TEAD1: variants seen among roughly 807,000 people sequenced by gnomAD.
TEAD1 encodes TEA domain transcription factor 1, also known as transcriptional enhancer factor TEF-1.
In TEAD1, 9 loss-of-function variants were observed where a neutral mutation model predicts 54.9. The ratio of observed to expected loss-of-function variants is 0.16; its 90% CI spans 0.10 to 0.29. TEAD1 has a LOEUF of 0.29. Ranked by LOEUF, TEAD1 falls within the 10% of genes least tolerant of loss-of-function variation. TEAD1 has a pLI of 1.00. For synonymous variants in TEAD1, 200 were observed against 187.8 expected (o/e 1.07, Z -0.53); for missense variants, 387 against 535.9 (o/e 0.72, Z 2.74).
At chr11:12,914,389 ATTATTC>A (rs1948673097) in intron 10 of TEAD1, among the ~76,000 whole-genome samples, 1 of 152,186 alleles carries the variant, frequency 6.6e-6, no homozygotes, top group Non-Finnish European at 1.5e-5. Flanking sequence ...GTTTATTCCT[ATTATTC>A]TTATTTAAAA....
At chr11:12,885,295 G>C (rs544809339) in intron 9 of TEAD1, among the ~76,000 whole-genome samples, 1 of 147,368 alleles carries the variant, frequency 6.8e-6, no homozygotes, top group African/African-American at 2.5e-5. Flanking sequence ...GAGTGCAGTG[G>C]TGTGATCTCC....
At chr11:12,692,905 C>A (rs1387487775) in intron 2 of TEAD1, among the ~76,000 whole-genome samples, 1 of 152,216 alleles carries the variant, frequency 6.6e-6, no homozygotes, top group Non-Finnish European at 1.5e-5. Flanking sequence ...CCTCCACCCC[C>A]ACCCCACAGA....
chr11:12,749,557 G>A (rs1464627573), intron 2 of TEAD1, among the ~76,000 whole-genome samples: 1 of 152,158 alleles, frequency 6.6e-6, no homozygotes, highest in African/African-American at 2.4e-5. Context: ...GGAGGGGGAG[G>A]AGACTGCTGG....
intron 5 of TEAD1, 57 bp downstream of exon 5, chr11:12,864,957 C>T (rs1315632007): frequency 3.8e-6 from 6 of 1,581,244 alleles, no homozygotes; most frequent in Non-Finnish European, 3.5e-6. Flanking sequence ...TTCCTGTTTT[C>T]CATGGTGACT....
chr11:12,866,500 G>A (rs1947620592), intron 5 of TEAD1, among the ~76,000 whole-genome samples: 1 of 152,108 alleles, frequency 6.6e-6, no homozygotes, highest in South Asian at 2.1e-4. Context: ...TTCTTCCATA[G>A]AAACAATTTT....
At chr11:12,779,229 G>A (rs923621715) in intron 3 of TEAD1, among the ~76,000 whole-genome samples, 1 of 152,148 alleles carries the variant, frequency 6.6e-6, no homozygotes, top group Non-Finnish European at 1.5e-5. Flanking sequence ...GAATGATACA[G>A]TTACCGGGAG....
At position 12,701,573 on chromosome 11, in the gene TEAD1, C is replaced by T. The variant is rs996768452; in HGVS notation, c.-55+26012C>T. Among the ~76,000 whole-genome samples the T allele has an allele frequency of 2.6e-5, 4 of 152,100 alleles. No homozygotes were observed. In the South Asian group the frequency reaches 8.3e-4, roughly 32 times the overall value. On this transcript the variant is annotated intron_variant, in intron 2 of 12. Transcript: ENST00000527636. ...GAAGGGTCATGCCGGTGGGTTTTCACTGTCTTTAGTTTCCAAAAGATGCTA... is the reference window on the plus strand; with the variant it reads ...GAAGGGTCATGCCGGTGGGTTTTCATTGTCTTTAGTTTCCAAAAGATGCTA...
At chr11:12,852,698 T>A (rs1242500552) in intron 3 of TEAD1, among the ~76,000 whole-genome samples, 2 of 152,144 alleles carry the variant, frequency 1.3e-5, no homozygotes, top group African/African-American at 4.8e-5. Flanking sequence ...CCCACCCGCC[T>A]TGGCCTCCCA....
intron 2 of TEAD1, among the ~76,000 whole-genome samples, chr11:12,681,631 G>A (rs1342412067): frequency 4.3e-4 from 66 of 152,202 alleles, no homozygotes; most frequent in Non-Finnish European, 2.9e-5. Flanking sequence ...CTTAGTAGGT[G>A]GCTCAGTGGA....
chr11:12,920,911 C>T (rs1053941232), intron 10 of TEAD1, among the ~76,000 whole-genome samples: 1 of 152,200 alleles, frequency 6.6e-6, no homozygotes, highest in African/African-American at 2.4e-5. Flanking sequence ...TGTGCAGCCA[C>T]TAGAAAGTGT....
intron 2 of TEAD1, among the ~76,000 whole-genome samples, chr11:12,755,682 T>C (rs1024015866): frequency 2.6e-5 from 4 of 152,210 alleles, no homozygotes; most frequent in African/African-American, 9.6e-5. Context: ...CGAGGTTAAG[T>C]TGTCCATTTC....
chr11:12,744,386 G>A (rs962773817), intron 2 of TEAD1, among the ~76,000 whole-genome samples: 3 of 152,158 alleles, frequency 2.0e-5, no homozygotes, highest in Non-Finnish European at 4.4e-5. Context: ...TGAGAAAAGA[G>A]CTAAATAATA....
intron 10 of TEAD1, among the ~76,000 whole-genome samples, chr11:12,914,182 AG>A (rs1379162970): frequency 1.3e-5 from 2 of 152,258 alleles, no homozygotes; most frequent in Non-Finnish European, 2.9e-5. Context: ...GCAGACGGGC[AG>A]CCTTTCAACC....
chr11:12,925,746 A>T (rs1948893825), intron 11 of TEAD1, among the ~76,000 whole-genome samples: 1 of 152,046 alleles, frequency 6.6e-6, no homozygotes, highest in South Asian at 2.1e-4. Flanking sequence ...ACTCAGAATG[A>T]TGCCCTCCCT....
intron 2 of TEAD1, among the ~76,000 whole-genome samples, chr11:12,749,811 TACTC>T (rs10592983): frequency 0.021 from 3,173 of 152,268 alleles, 116 homozygotes; most frequent in African/African-American, 0.073. Flanking sequence ...GAACAGTAGT[TACTC>T]ACTTATCCTG....
chr11:12,886,267 T>C (rs901170126), intron 9 of TEAD1, among the ~76,000 whole-genome samples: 8 of 152,178 alleles, frequency 5.3e-5, no homozygotes, highest in Non-Finnish European at 1.2e-4. Flanking sequence ...AGGATACATA[T>C]GATAATCTGA....
chr11:12,912,591 G>T (rs1237471333), intron 10 of TEAD1, among the ~76,000 whole-genome samples: 1 of 152,074 alleles, frequency 6.6e-6, no homozygotes, highest in Admixed American at 6.6e-5. Flanking sequence ...GGTCACAGGG[G>T]CATTCACTTC....
chr11:12,937,318 C>A lies in TEAD1; in HGVS notation c.*96C>A. 1.8e-6 allele frequency: 2 copies of A among 1,086,042 alleles called. No individual in the cohort carries two copies. Among genetic ancestry groups the A allele is most frequent in the East Asian group, 2.6e-5 (1 of 38,284 alleles). The allele number at this position is 1,086,042 out of a possible 1,614,324, so 67.3% of individuals were successfully genotyped here. ...CATTATCGAACGACTGACTGTAAAC[C>A]TCACCACACAGGGTGGTGCCCTGGC... On this transcript the variant is annotated 3_prime_UTR_variant, in exon 13 of 13. Transcript: ENST00000527636.
chr11:12,800,330 G>T (rs1489193522), intron 3 of TEAD1, among the ~76,000 whole-genome samples: 1 of 152,232 alleles, frequency 6.6e-6, no homozygotes, highest in East Asian at 1.9e-4. Context: ...ATTATCCAAA[G>T]GATCTGGACT....
Sources: gnomAD v4.1 joint callset for allele counts (sites outside exome capture counted in the v4.1 genomes callset) on GRCh38, gnomAD v4.1.1 for gene constraint, MANE v1.5 for transcripts, NCBI Gene and HGNC (gene_info 2026-07-23, HGNC 2026-07-21) for gene names.